The following LIPA variants were observed in gnomAD, a reference collection of about 807,000 sequenced individuals.
LIPA encodes lysosomal acid lipase/cholesteryl ester hydrolase.
LIPA carries 26 observed loss-of-function variants against 40.6 expected under a neutral mutation model. That is an observed-to-expected ratio of 0.64 (90% CI 0.47 to 0.89). The LOEUF (loss-of-function observed/expected upper bound fraction) is 0.89, where lower values mean the gene tolerates loss of function less well. Among genes scored for constraint, LIPA ranks in the 40% least tolerant of loss-of-function variants. LIPA has a pLI of 0.00. For missense variants in LIPA, 455 were observed against 479.6 expected (o/e 0.95, Z 0.48); for synonymous variants, 188 against 168.4 (o/e 1.12, Z -0.90).
chr10:89,261,904 G>A (rs558149730), intron 1 of LIPA, among the ~76,000 whole-genome samples: 3 of 152,052 alleles, frequency 2.0e-5, no homozygotes, highest in Admixed American at 6.5e-5. Flanking sequence ...TTTTTTTGCC[G>A]TAACCAATCC....
At chr10:89,411,848 T>C (rs1015992605) in intron 2 of LIPA, among the ~76,000 whole-genome samples, 1 of 152,226 alleles carries the variant, frequency 6.6e-6, no homozygotes, top group African/African-American at 2.4e-5. Flanking sequence ...CAAACTCTTA[T>C]ACCAACCTCT....
intron 8 of LIPA, among the ~76,000 whole-genome samples, chr10:89,216,418 T>C (rs964121041): frequency 1.3e-5 from 2 of 149,752 alleles, no homozygotes; most frequent in African/African-American, 4.9e-5. Context: ...TACATATATA[T>C]ATATATAATA....
chr10:89,271,136 C>T (rs1023085655), intron 1 of LIPA, among the ~76,000 whole-genome samples: 1 of 152,240 alleles, frequency 6.6e-6, no homozygotes, highest in Non-Finnish European at 1.5e-5. Context: ...TCTCTCTCAT[C>T]TGTCTTCTCA....
chr10:89,338,990 A>G, intron 1 of LIPA: 1 of 1,614,176 alleles, frequency 6.2e-7, no homozygotes, highest in Non-Finnish European at 8.5e-7. Context: ...AGACTCTCAG[A>G]TGCTCAGATT....
At chr10:89,362,580 G>A (rs1168172483) in intron 2 of LIPA, 3 of 325,180 alleles carry the variant, frequency 9.2e-6, no homozygotes, top group Non-Finnish European at 1.2e-5. Flanking sequence ...AGGTGACCTG[G>A]GGCAACTTTG....
chr10:89,228,685 A>C (rs1169658091), intron 3 of LIPA, among the ~76,000 whole-genome samples: 1 of 152,238 alleles, frequency 6.6e-6, no homozygotes, highest in African/African-American at 2.4e-5. Context: ...GAAATTATAA[A>C]ATGTTTTTAC....
At chr10:89,361,301 A>C (rs1844020280) in intron 2 of LIPA, among the ~76,000 whole-genome samples, 1 of 152,234 alleles carries the variant, frequency 6.6e-6, no homozygotes, top group Non-Finnish European at 1.5e-5. Context: ...AAAAAGGAGA[A>C]GACCATGCCT....
At chr10:89,260,171 C>T (rs1027390633) in intron 1 of LIPA, among the ~76,000 whole-genome samples, 1 of 152,190 alleles carries the variant, frequency 6.6e-6, no homozygotes, top group Admixed American at 6.5e-5. Context: ...AACCACCCAA[C>T]AGAGGTGTTT....
intron 2 of LIPA, among the ~76,000 whole-genome samples, chr10:89,361,929 G>T (rs115445396): frequency 0.024 from 2,331 of 97,580 alleles, 31 homozygotes; most frequent in Middle Eastern, 0.088. Flanking sequence ...GGATCTCATT[G>T]TGTGTGTCAC....
chr10:89,384,721 C>G (rs778329216), intron 2 of LIPA: 2 of 1,609,908 alleles, frequency 1.2e-6, no homozygotes, highest in Admixed American at 1.7e-5. Flanking sequence ...GGCTGCTGAC[C>G]TGAACCCTAT....
chr10:89,384,680 C>T, intron 2 of LIPA: 1 of 1,614,188 alleles, frequency 6.2e-7, no homozygotes, highest in Non-Finnish European at 8.5e-7. Context: ...GTAAGTGATG[C>T]TTTGCTGTGC....
chr10:89,413,739 C>T (rs953675338), intron 1 of LIPA, among the ~76,000 whole-genome samples: 1 of 148,488 alleles, frequency 6.7e-6, no homozygotes, highest in African/African-American at 2.5e-5. Flanking sequence ...TGCACTCCAA[C>T]CTGAGTGACA....
intron 2 of LIPA, among the ~76,000 whole-genome samples, chr10:89,358,904 C>G (rs12259825): frequency 0.018 from 2,694 of 152,176 alleles, 39 homozygotes; most frequent in African/African-American, 0.044. Context: ...TTCAAAATAG[C>G]TAGAAGAATT....
rs1217418912 is a variant in LIPA at position 89,245,491 on chromosome 10, T to C, written c.229+185A>G. ...TGAATCTGGCCTTTGAACAAAAAATTAGATGACTCTTGTCCTTACTTCTTT... is the reference window on the plus strand; with the variant it reads ...TGAATCTGGCCTTTGAACAAAAAATCAGATGACTCTTGTCCTTACTTCTTT... On this transcript the variant is annotated intron_variant, in intron 3 of 9. Transcript: ENST00000336233. 2.0e-5 allele frequency among the ~76,000 whole-genome samples: 3 copies of C among 152,162 alleles called. No individual in the cohort carries two copies. In the East Asian group the frequency reaches 5.8e-4, roughly 29 times the overall value.
intron 3 of LIPA, 67 bp from the exon 4 acceptor site, chr10:89,228,465 A>G: frequency 7.8e-7 from 1 of 1,283,216 alleles, no homozygotes; most frequent in South Asian, 1.2e-5. Flanking sequence ...TATCTTGCTA[A>G]ATAGAACATT....
At chr10:89,386,268 G>A (rs1005393726) in intron 2 of LIPA, among the ~76,000 whole-genome samples, 2 of 152,174 alleles carry the variant, frequency 1.3e-5, no homozygotes, top group Non-Finnish European at 2.9e-5. Flanking sequence ...GGAATTTTAA[G>A]ATTGACTTAT....
chr10:89,307,515 T>C (rs929105811), intron 1 of LIPA: 3 of 680,296 alleles, frequency 4.4e-6, no homozygotes, highest in South Asian at 4.0e-5. Flanking sequence ...GACAGGGTTA[T>C]GTTAACACCT....
At chr10:89,378,063 T>C in intron 2 of LIPA, 2 of 1,549,626 alleles carry the variant, frequency 1.3e-6, no homozygotes, top group Non-Finnish European at 1.8e-6. Flanking sequence ...CCTAGAACTC[T>C]GTGGATGAAC....
intron 1 of LIPA, among the ~76,000 whole-genome samples, chr10:89,316,798 T>A (rs983528794): frequency 2.6e-5 from 4 of 152,226 alleles, no homozygotes; most frequent in Non-Finnish European, 5.9e-5. Flanking sequence ...TACTCCTCCC[T>A]GAGTAGCCTA....
Sources: allele counts gnomAD v4.1 joint callset (sites outside exome capture counted in the v4.1 genomes callset), GRCh38; gene constraint gnomAD v4.1.1; transcripts MANE v1.5; gene names NCBI Gene and HGNC (gene_info 2026-07-23, HGNC 2026-07-21).